Variants in IQGAP2 observed in about 807,000 individuals in gnomAD.
The protein encoded by IQGAP2 is IQ motif containing GTPase activating protein 2.
IQGAP2 carries 173 observed loss-of-function variants against 201.3 expected under a neutral mutation model. That is an observed-to-expected ratio of 0.86 (90% CI 0.76 to 0.98). IQGAP2 has a LOEUF of 0.98. Among genes scored for constraint, IQGAP2 ranks in the 50% least tolerant of loss-of-function variants. The pLI is 0.00. For missense variants in IQGAP2, 1,687 were observed against 1,864.8 expected, an observed-to-expected ratio of 0.90 and a Z score of 1.76; for synonymous variants, 675 against 673.9, an observed-to-expected ratio of 1.00 and a Z score of -0.03.
Position 76,589,874 on chromosome 5 carries a change from T to C in IQGAP2, c.640+146T>C, listed in dbSNP as rs1361231362. On this transcript the variant is annotated intron_variant, in intron 7 of 35. Transcript: ENST00000274364. ...ATTATTTGTTTTATAGATGATTAATTTGAGGATGTCAGAATATAACCAAGT... is the reference window on the plus strand; with the variant it reads ...ATTATTTGTTTTATAGATGATTAATCTGAGGATGTCAGAATATAACCAAGT... 1.0e-4 allele frequency: 47 copies of C among 467,200 alleles called. No individual in the cohort carries two copies. In the Admixed American group the frequency reaches 1.8e-3, roughly 18 times the overall value. 28.9% of individuals were successfully genotyped at this position (467,200 alleles called of 1,614,324 possible). A position where few individuals can be genotyped will look rare whatever the true frequency, so the allele number is the denominator to read the frequency against.
At chr5:76,575,430 C>T (rs1745405019) in intron 4 of IQGAP2, among the ~76,000 whole-genome samples, 1 of 152,192 alleles carries the variant, frequency 6.6e-6, no homozygotes, top group South Asian at 2.1e-4. Flanking sequence ...CTGCCACTAG[C>T]ACTGTGGACA....
At chr5:76,664,759 G>T (rs953636999) in intron 21 of IQGAP2, among the ~76,000 whole-genome samples, 5 of 151,992 alleles carry the variant, frequency 3.3e-5, no homozygotes, top group Non-Finnish European at 7.4e-5. Flanking sequence ...CATATTGCAA[G>T]AATTATCAAA....
intron 2 of IQGAP2, among the ~76,000 whole-genome samples, chr5:76,531,362 G>A (rs1233931155): frequency 1.3e-5 from 2 of 152,114 alleles, no homozygotes; most frequent in Non-Finnish European, 2.9e-5. Context: ...AAACCCCTAG[G>A]CTCAAGCAAT....
intron 1 of IQGAP2, among the ~76,000 whole-genome samples, chr5:76,419,675 T>C (rs1403388072): frequency 1.8e-5 from 1 of 57,108 alleles, no homozygotes; most frequent in East Asian, 8.5e-4. Context: ...TTTCTTTTCT[T>C]TTTTTTTTTT....
At chr5:76,564,185 G>C (rs977495746) in intron 3 of IQGAP2, among the ~76,000 whole-genome samples, 1 of 152,152 alleles carries the variant, frequency 6.6e-6, no homozygotes, top group Admixed American at 6.5e-5. Flanking sequence ...AAAATTTTTT[G>C]AGAAATGTTT....
chr5:76,646,082 A>T (rs1024459257), intron 17 of IQGAP2, among the ~76,000 whole-genome samples: 4 of 152,210 alleles, frequency 2.6e-5, no homozygotes, highest in Non-Finnish European at 5.9e-5. Flanking sequence ...ACATTCAAAC[A>T]ATTGCACTTC....
At chr5:76,418,579 G>A (rs1033392706) in intron 1 of IQGAP2, among the ~76,000 whole-genome samples, 3 of 123,964 alleles carry the variant, frequency 2.4e-5, no homozygotes, top group African/African-American at 9.7e-5. Flanking sequence ...GGGTCACAGA[G>A]TGAGACTCCA....
chr5:76,608,290 A>G (rs7706945), intron 12 of IQGAP2, among the ~76,000 whole-genome samples: 4,296 of 152,308 alleles, frequency 0.028, 199 homozygotes, highest in African/African-American at 0.097. Context: ...GACATATACC[A>G]TAACCAGAAA....
At chr5:76,418,594 G>GA (rs1191675917) in intron 1 of IQGAP2, among the ~76,000 whole-genome samples, 2,541 of 26,250 alleles carry the variant, frequency 0.097, 28 homozygotes, top group South Asian at 0.26. Context: ...ACTCCATCTC[G>GA]AAAAAAAAAA....
At chr5:76,602,073 G>A (rs190433361) in intron 11 of IQGAP2, among the ~76,000 whole-genome samples, 1 of 152,156 alleles carries the variant, frequency 6.6e-6, no homozygotes, top group Non-Finnish European at 1.5e-5. Flanking sequence ...GGGCACCCTC[G>A]TGCTCTAAAG....
chr5:76,412,962 T>A (rs1751204728), intron 1 of IQGAP2, among the ~76,000 whole-genome samples: 2 of 152,072 alleles, frequency 1.3e-5, no homozygotes, highest in Admixed American at 1.3e-4. Context: ...TGTGCTCCCA[T>A]GGAGTCAACA....
At chr5:76,638,920 AG>A (rs1580691870) in intron 16 of IQGAP2, among the ~76,000 whole-genome samples, 1 of 152,162 alleles carries the variant, frequency 6.6e-6, no homozygotes, top group East Asian at 1.9e-4. Flanking sequence ...AAGAAACAGG[AG>A]GGGGTAAAGT....
rs1580119918 is a variant in IQGAP2 at position 76,403,827 on chromosome 5, A to G, written c.46+236A>G. Among the ~76,000 whole-genome samples the G allele has an allele frequency of 6.6e-6, 1 of 152,180 alleles. No homozygotes were observed. Among genetic ancestry groups the G allele is most frequent in the East Asian group, 1.9e-4 (1 of 5,144 alleles). On this transcript the variant is annotated intron_variant, in intron 1 of 35. Coordinates refer to ENST00000274364, the MANE Select transcript of IQGAP2 (RefSeq NM_006633.5). The surrounding 1 kb of genome is among the most constrained non-coding windows in gnomAD (Gnocchi z 4.8). ...TGGCAACCCAGACCCTCCACTCCGC[A>G]TACCCAAACGGGGTGCGCGGGCAGT...
chr5:76,648,630 G>A (rs1328522104), intron 17 of IQGAP2, among the ~76,000 whole-genome samples: 2 of 152,042 alleles, frequency 1.3e-5, no homozygotes, highest in African/African-American at 2.4e-5. Flanking sequence ...GTTAAAATAA[G>A]CAATTAGCAA....
intron 13 of IQGAP2, among the ~76,000 whole-genome samples, chr5:76,611,784 C>T (rs941186940): frequency 6.6e-6 from 1 of 152,064 alleles, no homozygotes; most frequent in Non-Finnish European, 1.5e-5. Flanking sequence ...GAGCTTGTAC[C>T]GCTATTATAA....
In IQGAP2 at chr5:76,403,622, T is replaced by G. The variant is rs368715165; in HGVS notation, c.46+31T>G. On this transcript the variant is annotated intron_variant, in intron 1 of 35. Coordinates refer to ENST00000274364, the MANE Select transcript of IQGAP2 (RefSeq NM_006633.5). This position sits in a 1 kb window ranked among gnomAD's most constrained non-coding sequence, Gnocchi z 4.8. ...TGCGCCGGGCGCGCGGGGTTCCTGC[T>G]GGCCTTGGGGAGCTCCCTCCCCGAG... is the stretch of plus-strand genomic sequence containing the variant. 141 of 1,505,084 alleles carry G rather than the reference T, an allele frequency of 9.4e-5. 2 individuals are homozygous for G. In the African/African-American group the frequency reaches 1.7e-3, roughly 18 times the overall value. 93.2% of individuals were successfully genotyped at this position (1,505,084 alleles called of 1,614,324 possible).
At chr5:76,628,027 C>T (rs922945400) in intron 14 of IQGAP2, among the ~76,000 whole-genome samples, 4 of 152,152 alleles carry the variant, frequency 2.6e-5, no homozygotes, top group Admixed American at 2.0e-4. Context: ...TAGTCATGGA[C>T]CCTCAATCAG....
rs1561416253 is a variant in IQGAP2, at chr5:76,496,738, TTTCTTTCTTTCTTTCTTTCTTTCTTTC to T, written c.146+35072_146+35098del. Among the ~76,000 whole-genome samples the T allele has an allele frequency of 8.3e-4, 33 of 39,580 alleles. 1 individual carries two copies. The highest frequency in any genetic ancestry group is 3.4e-3 in the African/African-American group (31 of 9,094). 26.0% of individuals were successfully genotyped at this position (39,580 alleles called of 152,430 possible). A position where few individuals can be genotyped will look rare whatever the true frequency, so the allele number is the denominator to read the frequency against. On this transcript the variant is annotated intron_variant, in intron 2 of 35. Coordinates refer to ENST00000274364, the MANE Select transcript of IQGAP2 (RefSeq NM_006633.5). ...TTTCTTTCTTTCTTTTCTTTCTTTC[TTTCTTTCTTTCTTTCTTTCTTTCTTTC>T]TTTCTTTCTTTCTTTCTTTCTTTCT...
intron 2 of IQGAP2, among the ~76,000 whole-genome samples, chr5:76,550,182 A>G (rs1743352640): frequency 6.6e-6 from 1 of 152,182 alleles, no homozygotes; most frequent in Non-Finnish European, 1.5e-5. Context: ...CAGGCTTAGG[A>G]TAGACATTTC....
Sources: allele counts gnomAD v4.1 joint callset (sites outside exome capture counted in the v4.1 genomes callset), GRCh38; gene constraint gnomAD v4.1.1; non-coding constraint Gnocchi (gnomAD v3.1); transcripts MANE v1.5; gene names NCBI Gene and HGNC (gene_info 2026-07-23, HGNC 2026-07-21).